DGKB: variants seen among roughly 807,000 people sequenced by gnomAD.
DGKB encodes diacylglycerol kinase beta.
In DGKB, 67 loss-of-function variants were observed where a neutral mutation model predicts 114.3. The ratio of observed to expected loss-of-function variants is 0.59; its 90% CI spans 0.48 to 0.72. DGKB has a LOEUF of 0.72. DGKB is among the 30% of genes least tolerant of loss of function. The probability of loss-of-function intolerance (pLI) is 0.00; values close to 1 mark genes in which losing one functional copy is unlikely to be tolerated. For missense variants in DGKB, 907 were observed against 975.2 expected, an observed-to-expected ratio of 0.93 and a Z score of 0.93; for synonymous variants, 398 against 323.1, an observed-to-expected ratio of 1.23 and a Z score of -2.49.
At chr7:14,699,504 A>C (rs1269662357) in intron 7 of DGKB, among the ~76,000 whole-genome samples, 1 of 152,180 alleles carries the variant, frequency 6.6e-6, no homozygotes, top group Non-Finnish European at 1.5e-5. Flanking sequence ...TCAAAGGTTA[A>C]ACATGTTATT....
intron 20 of DGKB, among the ~76,000 whole-genome samples, chr7:14,536,564 C>A (rs1792531048): frequency 6.6e-6 from 1 of 152,086 alleles, no homozygotes; most frequent in African/African-American, 2.4e-5. Context: ...AGGAGAATAA[C>A]CACAAAACAA....
intron 6 of DGKB, among the ~76,000 whole-genome samples, chr7:14,707,144 G>C (rs1010404224): frequency 1.5e-5 from 2 of 129,804 alleles, no homozygotes; most frequent in African/African-American, 3.0e-5. Flanking sequence ...TATCACCACC[G>C]ATTCCACAGA....
intron 1 of DGKB, among the ~76,000 whole-genome samples, chr7:14,924,529 C>T (rs1444252358): frequency 6.6e-6 from 1 of 152,126 alleles, no homozygotes; most frequent in Non-Finnish European, 1.5e-5. Flanking sequence ...ACTCTACAAT[C>T]CTGAAACTCA....
At chr7:14,750,034 A>G in intron 4 of DGKB, 1 of 472,378 alleles carries the variant, frequency 2.1e-6, no homozygotes, top group Non-Finnish European at 4.3e-6. Context: ...AAATGTTACT[A>G]TGTTTTAGGA....
At chr7:14,678,818 C>T (rs756270243) in intron 12 of DGKB, among the ~76,000 whole-genome samples, 3 of 151,560 alleles carry the variant, frequency 2.0e-5, no homozygotes, top group Non-Finnish European at 4.4e-5. Context: ...ACTAGGGCTG[C>T]GAATGTGGAG....
At chr7:14,752,963 A>G (rs753320720) in intron 4 of DGKB, among the ~76,000 whole-genome samples, 10 of 152,150 alleles carry the variant, frequency 6.6e-5, no homozygotes, top group Non-Finnish European at 1.2e-4. Context: ...CAGAGATGAA[A>G]TCAGGAAAAG....
chr7:14,183,303 G>T (rs559610789), intron 23 of DGKB, among the ~76,000 whole-genome samples: 3 of 152,272 alleles, frequency 2.0e-5, no homozygotes, highest in African/African-American at 7.2e-5. Context: ...TCTTAATTTA[G>T]ATATACTTCT....
intron 1 of DGKB, among the ~76,000 whole-genome samples, chr7:14,918,408 G>C (rs954167094): frequency 6.6e-6 from 1 of 152,106 alleles, no homozygotes; most frequent in Non-Finnish European, 1.5e-5. Flanking sequence ...ATGTAGCAAG[G>C]TTGCAGGATA....
chr7:14,302,081 A>T (rs1049473256), intron 23 of DGKB, among the ~76,000 whole-genome samples: 3 of 152,154 alleles, frequency 2.0e-5, no homozygotes, highest in African/African-American at 7.2e-5. Context: ...ACAAAAAGCA[A>T]ATTCCACAAA....
intron 21 of DGKB, among the ~76,000 whole-genome samples, chr7:14,365,564 G>T (rs547561124): frequency 2.6e-5 from 4 of 151,818 alleles, no homozygotes; most frequent in African/African-American, 9.7e-5. Flanking sequence ...TATCTATCTC[G>T]TAATTATTAA....
At chr7:14,974,237 C>A (rs1052289298) in intron 1 of DGKB, among the ~76,000 whole-genome samples, 2 of 151,958 alleles carry the variant, frequency 1.3e-5, no homozygotes, top group African/African-American at 4.8e-5. Context: ...TTTGTGATGA[C>A]TAATATTTTC....
intron 12 of DGKB, among the ~76,000 whole-genome samples, chr7:14,676,685 C>G (rs1819917173): frequency 6.6e-6 from 1 of 152,012 alleles, no homozygotes; most frequent in African/African-American, 2.4e-5. Context: ...GGGTCCTTCT[C>G]AGTGTAAATA....
At chr7:14,407,275 A>C (rs781217627) in intron 21 of DGKB, among the ~76,000 whole-genome samples, 1 of 152,140 alleles carries the variant, frequency 6.6e-6, no homozygotes, top group Non-Finnish European at 1.5e-5. Flanking sequence ...CATCAAATGT[A>C]GTTAGTGCTA....
At chr7:14,346,148 C>T (rs1017451815) in intron 21 of DGKB, among the ~76,000 whole-genome samples, 4 of 151,484 alleles carry the variant, frequency 2.6e-5, no homozygotes, top group Admixed American at 6.6e-5. Context: ...TTATGGTATT[C>T]GAGTATGTCT....
intron 1 of DGKB, among the ~76,000 whole-genome samples, chr7:14,857,286 C>A (rs1384535786): frequency 2.5e-4 from 4 of 15,866 alleles, no homozygotes; most frequent in African/African-American, 2.4e-3. Context: ...GTGTTGCTGG[C>A]ACTGAAGGAG....
intron 1 of DGKB, among the ~76,000 whole-genome samples, chr7:14,889,654 A>T (rs1248744181): frequency 6.6e-6 from 1 of 151,646 alleles, no homozygotes; most frequent in African/African-American, 2.4e-5. Flanking sequence ...TGTAAAAGAA[A>T]AAAAAAGTTT....
At chr7:14,194,907 G>A (rs1005638332) in intron 23 of DGKB, among the ~76,000 whole-genome samples, 6 of 151,564 alleles carry the variant, frequency 4.0e-5, no homozygotes, top group African/African-American at 7.3e-5. Flanking sequence ...TCTCTATAGC[G>A]ACCAAAGGAG....
intron 21 of DGKB, among the ~76,000 whole-genome samples, chr7:14,466,406 A>C (rs535262436): frequency 6.6e-6 from 1 of 152,270 alleles, no homozygotes; most frequent in Non-Finnish European, 1.5e-5. Flanking sequence ...AAATGTACCA[A>C]AGAAAGTTAA....
chr7:14,255,028 A>T (rs1400800590), intron 23 of DGKB, among the ~76,000 whole-genome samples: 1 of 152,216 alleles, frequency 6.6e-6, no homozygotes, highest in Non-Finnish European at 1.5e-5. Context: ...TCATTATAGT[A>T]ACGATATAAA....
Sources: gnomAD v4.1 joint callset for allele counts (sites outside exome capture counted in the v4.1 genomes callset) on GRCh38, gnomAD v4.1.1 for gene constraint, MANE v1.5 for transcripts, NCBI Gene and HGNC (gene_info 2026-07-23, HGNC 2026-07-21) for gene names.